Variants in CSGALNACT1 observed in about 807,000 individuals in gnomAD.
CSGALNACT1 encodes chondroitin sulfate N-acetylgalactosaminyltransferase 1, also known as beta4GalNAcT-1.
CSGALNACT1 carries 52 observed loss-of-function variants against 51.0 expected under a neutral mutation model. The ratio of observed to expected loss-of-function variants is 1.02; its 90% CI spans 0.82 to 1.29. The LOEUF (loss-of-function observed/expected upper bound fraction) is 1.29, where lower values mean the gene tolerates loss of function less well. Ranked by LOEUF, CSGALNACT1 falls within the 50% of genes most tolerant of loss-of-function variation. CSGALNACT1 has a pLI of 0.00. For missense variants in CSGALNACT1, 935 were observed against 679.2 expected (o/e 1.38, Z -4.19); for synonymous variants, 341 against 254.4 (o/e 1.34, Z -3.24).
chr8:19,600,078 C>G (rs1222206188), intron 2 of CSGALNACT1, among the ~76,000 whole-genome samples: 1 of 151,872 alleles, frequency 6.6e-6, no homozygotes, highest in Non-Finnish European at 1.5e-5. Flanking sequence ...GCTCACCATT[C>G]ATTCATTCAT....
At chr8:19,555,193 C>T (rs370857366) in intron 3 of CSGALNACT1, among the ~76,000 whole-genome samples, 30 of 151,822 alleles carry the variant, frequency 2.0e-4, no homozygotes, top group African/African-American at 6.5e-4. Flanking sequence ...GAGCCGAGAT[C>T]GCGCCATTGC....
intron 3 of CSGALNACT1, among the ~76,000 whole-genome samples, chr8:19,514,474 A>ACTAT (rs2079082916): frequency 2.1e-5 from 1 of 48,732 alleles, no homozygotes. Context: ...TTGAACAGAG[A>ACTAT]CTATATATAT....
intron 4 of CSGALNACT1, among the ~76,000 whole-genome samples, chr8:19,479,558 T>C (rs1015839675): frequency 1.3e-5 from 2 of 152,202 alleles, no homozygotes; most frequent in Non-Finnish European, 2.9e-5. Context: ...TATTATGTTT[T>C]AACTACAGTA....
At chr8:19,551,667 G>C (rs2088136130) in intron 3 of CSGALNACT1, among the ~76,000 whole-genome samples, 1 of 152,094 alleles carries the variant, frequency 6.6e-6, no homozygotes, top group Admixed American at 6.5e-5. Flanking sequence ...CTTTGGGTTG[G>C]CTTTCCTCCC....
At chr8:19,548,680 A>G (rs1406033647) in intron 3 of CSGALNACT1, among the ~76,000 whole-genome samples, 2 of 152,246 alleles carry the variant, frequency 1.3e-5, no homozygotes, top group African/African-American at 2.4e-5. Flanking sequence ...AAATGGTACT[A>G]TAAGACTGAC....
chr8:19,653,269 G>A (rs1298891360), intron 1 of CSGALNACT1, among the ~76,000 whole-genome samples: 1 of 152,074 alleles, frequency 6.6e-6, no homozygotes, highest in Non-Finnish European at 1.5e-5. Flanking sequence ...ATCCTTCTAA[G>A]GGAGGCTGAG....
At chr8:19,454,629 C>T (rs189766962) in intron 5 of CSGALNACT1, among the ~76,000 whole-genome samples, 6 of 152,128 alleles carry the variant, frequency 3.9e-5, no homozygotes, top group African/African-American at 1.4e-4. Context: ...TAAGGTTCTG[C>T]CACTGCACTC....
chr8:19,658,735 AAAC>A lies in CSGALNACT1; in HGVS notation c.-544+23735_-544+23737del, dbSNP rs375439764. ...GGTGACAAAGCAAGGCCCTGTCTCAAAACAACAACAACAACAAAAAACACCACC... is the reference window on the plus strand; with the variant it reads ...GGTGACAAAGCAAGGCCCTGTCTCAAAACAACAACAACAAAAAACACCACC... On this transcript the variant is annotated intron_variant, in intron 1 of 9. Coordinates refer to the CSGALNACT1 transcript ENST00000332246. Among the ~76,000 whole-genome samples the A allele has an allele frequency of 5.1e-3, 777 of 152,216 alleles. 4 individuals are homozygous for A. The highest frequency in any genetic ancestry group is 0.017 in the African/African-American group (709 of 41,510).
chr8:19,478,883 C>T (rs2070553948), intron 4 of CSGALNACT1, among the ~76,000 whole-genome samples: 1 of 152,158 alleles, frequency 6.6e-6, no homozygotes, highest in South Asian at 2.1e-4. Context: ...ATTCACTACC[C>T]TCCTTAAAGG....
intron 5 of CSGALNACT1, among the ~76,000 whole-genome samples, chr8:19,454,994 T>C (rs1361528317): frequency 1.3e-5 from 2 of 152,226 alleles, no homozygotes; most frequent in Non-Finnish European, 2.9e-5. Flanking sequence ...ATGTATAGTA[T>C]ATCTCATGTT....
chr8:19,717,970 C>A (rs1198112018), intron 1 of CSGALNACT1, among the ~76,000 whole-genome samples: 1 of 152,162 alleles, frequency 6.6e-6, no homozygotes, highest in East Asian at 1.9e-4. Context: ...CTATAACTAC[C>A]CCTGCCCCAT....
intron 4 of CSGALNACT1, among the ~76,000 whole-genome samples, chr8:19,459,837 A>C (rs2064987239): frequency 6.6e-6 from 1 of 152,178 alleles, no homozygotes; most frequent in African/African-American, 2.4e-5. Flanking sequence ...TTTCTCTGAG[A>C]AGGTAGAGAG....
In CSGALNACT1 at chr8:19,432,252, T is replaced by A. The variant is rs148140798; in HGVS notation, c.953+7578A>T. 2.2e-3 allele frequency among the ~76,000 whole-genome samples: 340 copies of A among 152,338 alleles called. 7 individuals are homozygous for A. In the South Asian group the frequency reaches 0.039, roughly 17 times the overall value. On this transcript the variant is annotated intron_variant, in intron 6 of 9. Transcript: ENST00000454498. ...CTGATAACAGAATTATTAGTTGAAATCTTTTTCTCACTTTGAAAATGTTAT... is the reference window on the plus strand; with the variant it reads ...CTGATAACAGAATTATTAGTTGAAAACTTTTTCTCACTTTGAAAATGTTAT...
chr8:19,597,457 G>C (rs1004843016), intron 2 of CSGALNACT1, among the ~76,000 whole-genome samples: 16 of 151,826 alleles, frequency 1.1e-4, no homozygotes, highest in African/African-American at 3.6e-4. Flanking sequence ...ACCAAGCCTA[G>C]CTAATTTTAT....
intron 6 of CSGALNACT1, among the ~76,000 whole-genome samples, chr8:19,424,678 C>T (rs2058500724): frequency 6.6e-6 from 1 of 152,188 alleles, no homozygotes; most frequent in South Asian, 2.1e-4. Flanking sequence ...CCCATATCCT[C>T]ATTTTGAAGC....
intron 1 of CSGALNACT1, among the ~76,000 whole-genome samples, chr8:19,667,258 C>CAAA (rs928798627): frequency 6.9e-5 from 7 of 101,532 alleles, no homozygotes; most frequent in African/African-American, 2.0e-4. Context: ...CCATCTCTAC[C>CAAA]AAAAAAAAAA....
intron 4 of CSGALNACT1, among the ~76,000 whole-genome samples, chr8:19,504,585 A>C (rs908849674): frequency 1.3e-5 from 2 of 152,244 alleles, no homozygotes; most frequent in African/African-American, 4.8e-5. Flanking sequence ...GTGAAAAAAA[A>C]GATGAGCCGT....
intron 3 of CSGALNACT1, among the ~76,000 whole-genome samples, chr8:19,570,983 A>G (rs1194394928): frequency 6.6e-6 from 1 of 152,102 alleles, no homozygotes; most frequent in Non-Finnish European, 1.5e-5. Context: ...TGATTTATGT[A>G]TTTATTTATT....
intron 6 of CSGALNACT1, among the ~76,000 whole-genome samples, chr8:19,427,032 A>G (rs1434356074): frequency 2.0e-5 from 3 of 152,242 alleles, no homozygotes; most frequent in Non-Finnish European, 4.4e-5. Flanking sequence ...CTTCTTGAAG[A>G]TATTGGAATA....
Sources: gnomAD v4.1 joint callset for allele counts (sites outside exome capture counted in the v4.1 genomes callset) on GRCh38, gnomAD v4.1.1 for gene constraint, MANE v1.5 for transcripts, NCBI Gene and HGNC (gene_info 2026-07-23, HGNC 2026-07-21) for gene names.